Variants in SLC12A7 observed in about 807,000 individuals in gnomAD.
SLC12A7 encodes the protein K-Cl cotransporter 4.
In SLC12A7, 100 loss-of-function variants were observed where a neutral mutation model predicts 120.6. The observed-to-expected ratio is 0.83, with a 90% CI of 0.71 to 0.98. The LOEUF (loss-of-function observed/expected upper bound fraction) is 0.98, where lower values mean the gene tolerates loss of function less well. Ranked by LOEUF, SLC12A7 falls within the 50% of genes least tolerant of loss-of-function variation. The probability of loss-of-function intolerance (pLI) is 0.00; values close to 1 mark genes in which losing one functional copy is unlikely to be tolerated. For synonymous variants in SLC12A7, 760 were observed against 678.0 expected (o/e 1.12, Z -1.88); for missense variants, 1,373 against 1,548.1 (o/e 0.89, Z 1.90).
At chr5:1,052,802 G>A (rs1735193688) in intron 23 of SLC12A7, among the ~76,000 whole-genome samples, 1 of 152,214 alleles carries the variant, frequency 6.6e-6, no homozygotes. Context: ...TTCCGATCAG[G>A]ACGCATGGAG....
rs1324894548 is a variant in SLC12A7, at chr5:1,076,123, G to A, written c.1847+15C>T. On this transcript the variant is annotated intron_variant, in intron 14 of 23. Coordinates refer to ENST00000264930, the MANE Select transcript of SLC12A7 (RefSeq NM_006598.3). ...AGCCTGTGGGGCTCCTCACGCCCGTGCTGAGTGGCCTCACCAGTGGTAGAA... is the reference window on the plus strand; with the variant it reads ...AGCCTGTGGGGCTCCTCACGCCCGTACTGAGTGGCCTCACCAGTGGTAGAA... 3 of 1,600,622 alleles carry A rather than the reference G, an allele frequency of 1.9e-6. No homozygotes were observed. In the Admixed American group the frequency reaches 5.1e-5, roughly 27 times the overall value.
the SLC12A7 span, among the ~76,000 whole-genome samples, chr5:1,117,963 C>A: frequency 6.6e-6 from 1 of 152,176 alleles, no homozygotes; most frequent in Non-Finnish European, 1.5e-5. This position sits in a 1 kb window ranked among gnomAD's most constrained non-coding sequence, Gnocchi z 4.5. Flanking sequence ...GAAGTCCCAG[C>A]TACTCGGGAG....
At chr5:1,088,439 A>G (rs919520026) in intron 4 of SLC12A7, 79 bp from the exon 5 acceptor site, 9 of 1,454,152 alleles carry the variant, frequency 6.2e-6, no homozygotes, top group Non-Finnish European at 8.5e-6. Flanking sequence ...GTCAGGGTCT[A>G]TGACCCGGCT....
At chr5:1,152,564 G>T in the SLC12A7 span, among the ~76,000 whole-genome samples, 1,154 of 152,188 alleles carry the variant, frequency 7.6e-3, 4 homozygotes, top group Non-Finnish European at 0.014. Flanking sequence ...CCTGGTAAGG[G>T]AGATCCCCCA....
the SLC12A7 span, among the ~76,000 whole-genome samples, chr5:1,117,726 A>G: frequency 1.3e-5 from 2 of 152,140 alleles, no homozygotes; most frequent in Admixed American, 1.3e-4. This position sits in a 1 kb window ranked among gnomAD's most constrained non-coding sequence, Gnocchi z 4.5. Flanking sequence ...CTCTGACCTG[A>G]CCAATCAGCA....
intron 1 of SLC12A7, among the ~76,000 whole-genome samples, chr5:1,102,388 A>G (rs1476451657): frequency 1.3e-5 from 2 of 151,996 alleles, no homozygotes; most frequent in African/African-American, 4.8e-5. Context: ...CTCCAGGCAC[A>G]ACCTCCTCCC....
chr5:1,140,180 G>A, the SLC12A7 span, among the ~76,000 whole-genome samples: 1 of 152,174 alleles, frequency 6.6e-6, no homozygotes, highest in Non-Finnish European at 1.5e-5. Context: ...TGGCTGTCTC[G>A]TACCAGCCGC....
intron 16 of SLC12A7, 136 bp downstream of exon 16, chr5:1,074,431 A>C: frequency 1.4e-6 from 1 of 729,280 alleles, no homozygotes. Flanking sequence ...TGCACCAGGC[A>C]GTGTTCACAC....
the SLC12A7 span, among the ~76,000 whole-genome samples, chr5:1,133,078 C>T: frequency 6.6e-6 from 1 of 152,176 alleles, no homozygotes; most frequent in African/African-American, 2.4e-5. Context: ...TCACCACACA[C>T]AGCTAATTTT....
chr5:1,059,694 C>T (rs1309706939), intron 21 of SLC12A7, among the ~76,000 whole-genome samples: 4 of 148,900 alleles, frequency 2.7e-5, no homozygotes, highest in African/African-American at 5.0e-5. Context: ...CAGTTACCCA[C>T]GGAGCCAAAG....
intron 22 of SLC12A7, among the ~76,000 whole-genome samples, chr5:1,053,897 G>A (rs535590315): frequency 5.6e-4 from 85 of 152,272 alleles, no homozygotes; most frequent in Admixed American, 1.4e-3. Context: ...CTACATCATC[G>A]CCCCTAAACC....
chr5:1,052,929 AT>A (rs1735207920), intron 23 of SLC12A7, among the ~76,000 whole-genome samples: 1 of 152,190 alleles, frequency 6.6e-6, no homozygotes, highest in Non-Finnish European at 1.5e-5. Context: ...CAAAGCACAA[AT>A]TCCCAAAGCT....
chr5:1,118,869 C>T, the SLC12A7 span, among the ~76,000 whole-genome samples: 13 of 152,178 alleles, frequency 8.5e-5, no homozygotes, highest in East Asian at 1.9e-4. Context: ...GGGCGTGTCT[C>T]GCTGAACTTC....
At chr5:1,124,706 G>T in the SLC12A7 span, among the ~76,000 whole-genome samples, 18 of 152,206 alleles carry the variant, frequency 1.2e-4, no homozygotes, top group Non-Finnish European at 2.4e-4. Flanking sequence ...ACCATCAAGG[G>T]CATCTGTGCA....
At chr5:1,073,506 C>A in intron 17 of SLC12A7, 127 bp downstream of exon 17, 1 of 1,097,126 alleles carries the variant, frequency 9.1e-7, no homozygotes, top group Non-Finnish European at 1.3e-6. Flanking sequence ...GCCACCGCCA[C>A]GGCTAAAACA....
In SLC12A7 at chr5:1,111,925, C is replaced by A. The variant is rs753570360; in HGVS notation, c.67G>T (p.Glu23Ter). 1 of 1,281,500 alleles carries A rather than the reference C, an allele frequency of 7.8e-7. No homozygotes were observed. The allele number at this position is 1,281,500 out of a possible 1,614,324, so 79.4% of individuals were successfully genotyped here. A position where few individuals can be genotyped will look rare whatever the true frequency, so the allele number is the denominator to read the frequency against. Residue 23 changes from glutamate (E) to a stop codon, truncating the protein, a stop_gained, in exon 1 of 24, where the codon GAG becomes TAG. Coordinates refer to ENST00000264930, the MANE Select transcript of SLC12A7 (RefSeq NM_006598.3). LOFTEE classifies it high-confidence loss of function. ...HADGGGDETA[E>*]RTEAPGTPEG... ...GGGGTGCCCGGAGCCTCCGTCCGCT[C>A]GGCAGTCTCGTCCCCGCCGCCGTCG...
intron 3 of SLC12A7, among the ~76,000 whole-genome samples, chr5:1,090,431 G>A (rs1281806557): frequency 1.3e-5 from 2 of 152,226 alleles, no homozygotes; most frequent in African/African-American, 2.4e-5. Context: ...GGGCCCTGGA[G>A]AGGAGAGGGT....
chr5:1,119,097 C>T, the SLC12A7 span, among the ~76,000 whole-genome samples: 1 of 152,220 alleles, frequency 6.6e-6, no homozygotes, highest in Non-Finnish European at 1.5e-5. Flanking sequence ...AGCTCGAAGC[C>T]CTCCTGATGA....
At chr5:1,076,508 C>T (rs747207446) in intron 13 of SLC12A7, among the ~76,000 whole-genome samples, 186 bp downstream of exon 13, 9 of 152,016 alleles carry the variant, frequency 5.9e-5, no homozygotes, top group Non-Finnish European at 1.0e-4. Flanking sequence ...CTGACCCCAG[C>T]GGGCGGCTGC....
Sources: gnomAD v4.1 joint callset for allele counts (sites outside exome capture counted in the v4.1 genomes callset) on GRCh38, gnomAD v4.1.1 for gene constraint, Gnocchi (gnomAD v3.1) non-coding constraint, MANE v1.5 for transcripts, NCBI Gene and HGNC (gene_info 2026-07-23, HGNC 2026-07-21) for gene names.